TMEM74: variants seen among roughly 807,000 people sequenced by gnomAD.
The protein encoded by TMEM74 is transmembrane protein 74.
A neutral mutation model predicts 18.1 loss-of-function variants in TMEM74; 13 were observed. That is an observed-to-expected ratio of 0.72 (90% CI 0.47 to 1.14). TMEM74 has a LOEUF of 1.14. Among genes scored for constraint, TMEM74 ranks in the 50% most tolerant of loss-of-function variants. TMEM74 has a pLI of 0.00. For synonymous variants in TMEM74, 159 were observed against 146.6 expected, an observed-to-expected ratio of 1.08 and a Z score of -0.61; for missense variants, 372 against 375.9, an observed-to-expected ratio of 0.99 and a Z score of 0.09.
At chr8:108,756,442 C>T (rs541063023) in intron 1 of TMEM74, among the ~76,000 whole-genome samples, 2 of 151,016 alleles carry the variant, frequency 1.3e-5, no homozygotes, top group African/African-American at 4.9e-5. Flanking sequence ...CTGTCTCTTA[C>T]GCTCCTCAAT....
In TMEM74 at chr8:108,782,951, T is replaced by C. The variant is rs1335091157; in HGVS notation, c.*1230A>G. On this transcript the variant is annotated 3_prime_UTR_variant, in exon 2 of 2. Coordinates refer to ENST00000297459, the MANE Select transcript of TMEM74 (RefSeq NM_153015.3). ...GTGTGTGTCTTGCAAAGTGAGCACCTTGCTCATCATGCTGCTCTTAGAGAA... is the reference window on the plus strand; with the variant it reads ...GTGTGTGTCTTGCAAAGTGAGCACCCTGCTCATCATGCTGCTCTTAGAGAA... Among the ~76,000 whole-genome samples the C allele has an allele frequency of 1.3e-5, 2 of 152,224 alleles. No individual in the cohort carries two copies. The highest frequency in any genetic ancestry group is 2.9e-5 in the Non-Finnish European group (2 of 68,042).
chr8:108,647,796 G>C (rs1812734860), intron 2 of TMEM74, among the ~76,000 whole-genome samples: 1 of 152,100 alleles, frequency 6.6e-6, no homozygotes, highest in Admixed American at 6.6e-5. Context: ...ATAAACAGGT[G>C]ATTTCAATAT....
intron 1 of TMEM74, among the ~76,000 whole-genome samples, chr8:108,741,103 T>C (rs894435815): frequency 7.2e-5 from 11 of 152,318 alleles, no homozygotes; most frequent in Admixed American, 5.2e-4. Flanking sequence ...TCGTACTGTC[T>C]GATATTTTTA....
At chr8:108,718,085 A>G (rs1333191273) in intron 1 of TMEM74, among the ~76,000 whole-genome samples, 1 of 104,764 alleles carries the variant, frequency 9.5e-6, no homozygotes, top group Non-Finnish European at 1.7e-5. Context: ...CAGCCTCCCG[A>G]GTAGCTGGGA....
chr8:108,655,799 G>A (rs1586249216), intron 1 of TMEM74, among the ~76,000 whole-genome samples: 2 of 152,060 alleles, frequency 1.3e-5, no homozygotes, highest in South Asian at 2.1e-4. Context: ...AGTAAACAAG[G>A]TTACCATCAT....
intron 1 of TMEM74, among the ~76,000 whole-genome samples, chr8:108,663,342 G>A (rs1279426033): frequency 6.6e-6 from 1 of 152,140 alleles, no homozygotes; most frequent in Non-Finnish European, 1.5e-5. Context: ...CATTCATGCG[G>A]TCAACAAACA....
intron 2 of TMEM74, among the ~76,000 whole-genome samples, chr8:108,643,560 T>C (rs966832177): frequency 6.6e-6 from 1 of 151,808 alleles, no homozygotes; most frequent in Non-Finnish European, 1.5e-5. Context: ...GGGCCTTTTG[T>C]AAACATCTAC....
At chr8:108,626,377 G>A (rs1386035814) in intron 2 of TMEM74, among the ~76,000 whole-genome samples, 2 of 151,898 alleles carry the variant, frequency 1.3e-5, no homozygotes, top group African/African-American at 4.8e-5. Flanking sequence ...ATATCATTTT[G>A]TTGGCTTACA....
chr8:108,751,496 C>T (rs576711071), intron 1 of TMEM74, among the ~76,000 whole-genome samples: 33 of 151,992 alleles, frequency 2.2e-4, no homozygotes, highest in South Asian at 8.3e-4. Context: ...GATAGTATAC[C>T]TCAAACTGCT....
chr8:108,699,772 T>C (rs147474374), intron 1 of TMEM74, among the ~76,000 whole-genome samples: 67 of 152,228 alleles, frequency 4.4e-4, no homozygotes, highest in African/African-American at 1.6e-3. Context: ...AATTGGGTAT[T>C]CTCTGGGGTT....
At chr8:108,686,175 G>C (rs890434684) in intron 1 of TMEM74, among the ~76,000 whole-genome samples, 1 of 152,086 alleles carries the variant, frequency 6.6e-6, no homozygotes. Flanking sequence ...GGGAGCGTAA[G>C]TTGGGAAGTT....
chr8:108,782,935 T>C lies in TMEM74; in HGVS notation c.*1246A>G, dbSNP rs564380658. Among the ~76,000 whole-genome samples the C allele has an allele frequency of 6.6e-6, 1 of 152,334 alleles. No individual in the cohort carries two copies. Among genetic ancestry groups the C allele is most frequent in the East Asian group, 1.9e-4 (1 of 5,186 alleles). On this transcript the variant is annotated 3_prime_UTR_variant, in exon 2 of 2. Transcript: ENST00000297459. ...TCACTGTGAACACCCAGTGTGTGTC[T>C]TGCAAAGTGAGCACCTTGCTCATCA...
intron 1 of TMEM74, among the ~76,000 whole-genome samples, chr8:108,766,679 T>C (rs1206560785): frequency 6.6e-6 from 1 of 152,108 alleles, no homozygotes. Context: ...GAAAATGGAC[T>C]CACACAATCG....
chr8:108,653,007 C>A, intron 2 of TMEM74: 1 of 209,892 alleles, frequency 4.8e-6, no homozygotes. Flanking sequence ...GTTCCCGACT[C>A]CTAACTTAGA....
At chr8:108,669,937 C>G (rs1220228593) in intron 1 of TMEM74, among the ~76,000 whole-genome samples, 1 of 148,572 alleles carries the variant, frequency 6.7e-6, no homozygotes, top group Non-Finnish European at 1.5e-5. Context: ...ATGGGGGAGG[C>G]TGAGGCAAGA....
intron 2 of TMEM74, among the ~76,000 whole-genome samples, chr8:108,612,120 G>A (rs1208356128): frequency 1.3e-5 from 2 of 151,992 alleles, no homozygotes; most frequent in Admixed American, 1.3e-4. Context: ...CCCCTTCCAC[G>A]ACATTTGGGG....
At chr8:108,611,069 A>G (rs867461075) in intron 2 of TMEM74, among the ~76,000 whole-genome samples, 2 of 152,316 alleles carry the variant, frequency 1.3e-5, no homozygotes, top group African/African-American at 2.4e-5. Flanking sequence ...TATATGAATC[A>G]TTTAGTCTCT....
chr8:108,634,117 T>C (rs893894043), intron 2 of TMEM74, among the ~76,000 whole-genome samples: 1 of 151,804 alleles, frequency 6.6e-6, no homozygotes, highest in Admixed American at 6.6e-5. Context: ...AGGAAGAGCA[T>C]GGGCACAGAA....
intron 1 of TMEM74, among the ~76,000 whole-genome samples, chr8:108,666,964 A>T (rs762979047): frequency 6.6e-6 from 1 of 152,146 alleles, no homozygotes; most frequent in African/African-American, 2.4e-5. Flanking sequence ...GTTCATCTTT[A>T]ATGGGCTACT....
Sources: allele counts gnomAD v4.1 joint callset (sites outside exome capture counted in the v4.1 genomes callset), GRCh38; gene constraint gnomAD v4.1.1; transcripts MANE v1.5; gene names NCBI Gene and HGNC (gene_info 2026-07-23, HGNC 2026-07-21).